ATXN8OS: variants seen among roughly 807,000 people sequenced by gnomAD.
The protein encoded by ATXN8OS is ATXN8 opposite strand lncRNA, also known as ATXN8 opposite strand (non-protein coding).
At chr13:70,140,107 C>T (rs1888690133) in intron 3 of ATXN8OS, among the ~76,000 whole-genome samples, 1 of 152,070 alleles carries the variant, frequency 6.6e-6, no homozygotes, top group Non-Finnish European at 1.5e-5. Context: ...CTAATTATTA[C>T]TCTGCACTAA....
intron 4 of ATXN8OS, among the ~76,000 whole-genome samples, chr13:70,167,410 A>AC (rs915255517): frequency 5.3e-5 from 8 of 151,960 alleles, no homozygotes; most frequent in African/African-American, 1.2e-4. Context: ...CATGGCAAGG[A>AC]AAAAAAACCA....
chr13:70,170,650 G>A (rs111470162), exon 5 of ATXN8OS, among the ~76,000 whole-genome samples: 66 of 152,152 alleles, frequency 4.3e-4, no homozygotes, highest in African/African-American at 1.4e-3. Context: ...TATGATATGC[G>A]AATAAATAAT....
At chr13:70,139,380 A>ACTACTGCTACTGCTACTG (rs1351934971) in intron 3 of ATXN8OS, 1 of 563,564 alleles carries the variant, frequency 1.8e-6, no homozygotes, top group Non-Finnish European at 3.0e-6. Flanking sequence ...TACTACTACT[A>ACTACTGCTACTGCTACTG]CTACTGCTGC....
exon 5 of ATXN8OS, among the ~76,000 whole-genome samples, chr13:70,169,978 T>G (rs531698649): frequency 6.6e-6 from 1 of 152,128 alleles, no homozygotes; most frequent in African/African-American, 2.4e-5. Flanking sequence ...CCTTTACTGC[T>G]ACTCTCTGAG....
At chr13:70,160,663 A>ATATATATAT (rs1402836899) in intron 4 of ATXN8OS, among the ~76,000 whole-genome samples, 10 of 65,524 alleles carry the variant, frequency 1.5e-4, no homozygotes, top group East Asian at 2.6e-4. Context: ...AAAACAAAAT[A>ATATATATAT]TTCTTGGTAG....
chr13:70,114,711 T>C (rs566766575), intron 1 of ATXN8OS, among the ~76,000 whole-genome samples: 26 of 152,298 alleles, frequency 1.7e-4, no homozygotes, highest in Middle Eastern at 6.8e-3. Context: ...TATTATTTTA[T>C]GACATCCTAC....
rs117505759 is a variant in ATXN8OS at position 70,171,396 on chromosome 13, G to A, written n.2217G>A. The stretch of plus-strand genomic sequence containing the variant: ...CACTTAGCATGAATAGAGCTAGCAG[G>A]ACTGGAAATTGCTCTGGGTGAGTCA... On this transcript the variant is annotated non_coding_transcript_exon_variant, in exon 5 of 5. Coordinates refer to ENST00000678624, the Ensembl canonical transcript of ATXN8OS. Among the ~76,000 whole-genome samples the A allele has an allele frequency of 2.7e-3, 407 of 152,226 alleles. 9 individuals carry two copies. Among genetic ancestry groups the A allele is most frequent in the Non-Finnish European group, 3.7e-3 (250 of 67,978 alleles).
At chr13:70,126,880 G>A (rs1213094392) in intron 2 of ATXN8OS, among the ~76,000 whole-genome samples, 1 of 150,026 alleles carries the variant, frequency 6.7e-6, no homozygotes, top group African/African-American at 2.5e-5. Context: ...CACATTTATA[G>A]AGTTTTCTAT....
intron 1 of ATXN8OS, among the ~76,000 whole-genome samples, chr13:70,114,173 T>C (rs1888240962): frequency 1.3e-5 from 2 of 152,152 alleles, no homozygotes; most frequent in Admixed American, 1.3e-4. Context: ...TTTCCTCAGT[T>C]TTACACCCAG....
chr13:70,163,974 T>C lies in ATXN8OS; in HGVS notation n.574-5779T>C, dbSNP rs183777400. Among the ~76,000 whole-genome samples the C allele has an allele frequency of 2.9e-3, 438 of 150,830 alleles. 5 individuals carry two copies. The highest frequency in any genetic ancestry group is 4.6e-3 in the Non-Finnish European group (314 of 67,586). On this transcript the variant is annotated intron_variant and non_coding_transcript_variant, in intron 4 of 4. Transcript: ENST00000678624. ...GGTATTTTACGTACGTCACTAAAAA[T>C]GTGCTCAATGAGGATGTGTAGGGTG...
intron 3 of ATXN8OS, among the ~76,000 whole-genome samples, chr13:70,138,432 A>T (rs1031640276): frequency 1.3e-5 from 2 of 152,104 alleles, no homozygotes; most frequent in Admixed American, 6.6e-5. Flanking sequence ...TGAAAATTTT[A>T]AAATGCAAAA....
intron 2 of ATXN8OS, among the ~76,000 whole-genome samples, chr13:70,120,249 G>A (rs890941697): frequency 2.0e-5 from 3 of 152,098 alleles, no homozygotes; most frequent in Non-Finnish European, 4.4e-5. Flanking sequence ...TTTTAAGAAT[G>A]TTAAGATATA....
intron 3 of ATXN8OS, among the ~76,000 whole-genome samples, chr13:70,146,583 C>G (rs1447358786): frequency 1.3e-5 from 2 of 152,024 alleles, no homozygotes; most frequent in Admixed American, 1.3e-4. Context: ...ACTATGCAGC[C>G]ATAAAAAATG....
intron 4 of ATXN8OS, among the ~76,000 whole-genome samples, chr13:70,155,332 G>A (rs1008079712): frequency 6.6e-6 from 1 of 152,040 alleles, no homozygotes; most frequent in African/African-American, 2.4e-5. Context: ...TTTTTAAGGC[G>A]AGATCTTTTT....
At chr13:70,135,231 T>G (rs1195205977) in intron 3 of ATXN8OS, among the ~76,000 whole-genome samples, 1 of 152,168 alleles carries the variant, frequency 6.6e-6, no homozygotes, top group Non-Finnish European at 1.5e-5. Flanking sequence ...AGGGAAGAAC[T>G]TGCCCCTCCT....
At chr13:70,129,760 C>G (rs1593763105) in intron 2 of ATXN8OS, 1 of 398,366 alleles carries the variant, frequency 2.5e-6, no homozygotes, top group East Asian at 3.6e-5. Flanking sequence ...AACCTGAACT[C>G]TCTCTCTGCT....
At chr13:70,139,470 T>C (rs1888675670) in intron 3 of ATXN8OS, 2 of 661,526 alleles carry the variant, frequency 3.0e-6, no homozygotes, top group Non-Finnish European at 2.6e-6. Context: ...TATTTGATGT[T>C]ATAATTGTTA....
intron 4 of ATXN8OS, among the ~76,000 whole-genome samples, chr13:70,160,553 T>C (rs996745678): frequency 2.0e-5 from 3 of 151,360 alleles, no homozygotes; most frequent in Non-Finnish European, 4.4e-5. Flanking sequence ...CCTTAATAAA[T>C]TGTCATATTT....
intron 2 of ATXN8OS, among the ~76,000 whole-genome samples, chr13:70,126,742 A>G (rs2137479689): frequency 6.6e-6 from 1 of 151,988 alleles, no homozygotes; most frequent in East Asian, 1.9e-4. Flanking sequence ...ATAGACATCT[A>G]TAAATAGACA....
Sources: allele counts gnomAD v4.1 joint callset (sites outside exome capture counted in the v4.1 genomes callset), GRCh38; gene constraint gnomAD v4.1.1; transcripts MANE v1.5; gene names NCBI Gene and HGNC (gene_info 2026-07-23, HGNC 2026-07-21).